Variants in HCN1 observed in about 807,000 individuals in gnomAD.
HCN1 encodes potassium/sodium hyperpolarization-activated cyclic nucleotide-gated channel 1.
HCN1 carries 13 observed loss-of-function variants against 78.9 expected under a neutral mutation model. The ratio of observed to expected loss-of-function variants is 0.16; its 90% CI spans 0.11 to 0.26. The LOEUF is 0.26. Among genes scored for constraint, HCN1 ranks in the 10% least tolerant of loss-of-function variants. The pLI is 1.00. For missense variants in HCN1, 810 were observed against 1,154.3 expected (o/e 0.70, Z 4.32); for synonymous variants, 552 against 455.5 (o/e 1.21, Z -2.70).
chr5:45,648,264 GA>G (rs1181061794), intron 1 of HCN1, among the ~76,000 whole-genome samples: 1 of 151,902 alleles, frequency 6.6e-6, no homozygotes, highest in Non-Finnish European at 1.5e-5. Flanking sequence ...AGCTTTTTTT[GA>G]AGGAAAACTA....
intron 2 of HCN1, among the ~76,000 whole-genome samples, chr5:45,624,843 T>A (rs902472055): frequency 2.0e-5 from 3 of 151,866 alleles, no homozygotes; most frequent in African/African-American, 7.3e-5. Context: ...GTACCTTAGG[T>A]CAACTGTGGT....
chr5:45,616,069 T>C (rs1467514074), intron 2 of HCN1, among the ~76,000 whole-genome samples: 2 of 151,106 alleles, frequency 1.3e-5, no homozygotes, highest in Non-Finnish European at 3.0e-5. Flanking sequence ...ACAATGTTTT[T>C]CTTGAAAAAA....
At chr5:45,603,536 G>A (rs1744667094) in intron 2 of HCN1, among the ~76,000 whole-genome samples, 1 of 151,946 alleles carries the variant, frequency 6.6e-6, no homozygotes, top group Admixed American at 6.6e-5. Flanking sequence ...TTTATTTTAT[G>A]CTCTTTCTAC....
At chr5:45,478,984 G>A (rs143466638) in intron 2 of HCN1, among the ~76,000 whole-genome samples, 275 of 152,164 alleles carry the variant, frequency 1.8e-3, no homozygotes, top group African/African-American at 6.4e-3. Flanking sequence ...AGCTGGGCAA[G>A]GTGGCACGTT....
intron 4 of HCN1, among the ~76,000 whole-genome samples, chr5:45,353,768 C>T (rs987326805): frequency 1.3e-5 from 2 of 151,764 alleles, no homozygotes; most frequent in African/African-American, 2.4e-5. Context: ...ACACAGATGC[C>T]CTGTAAATTA....
At chr5:45,474,091 C>T (rs1354152132) in intron 2 of HCN1, among the ~76,000 whole-genome samples, 2 of 151,830 alleles carry the variant, frequency 1.3e-5, no homozygotes, top group Admixed American at 1.3e-4. Context: ...TTCCACCCTA[C>T]ACATTTTAGT....
At chr5:45,413,965 T>A (rs146734286) in intron 3 of HCN1, among the ~76,000 whole-genome samples, 2 of 152,014 alleles carry the variant, frequency 1.3e-5, no homozygotes, top group African/African-American at 4.8e-5. Context: ...GATTCACATA[T>A]TTTGAAGCTC....
intron 2 of HCN1, among the ~76,000 whole-genome samples, chr5:45,494,631 T>C (rs1263941101): frequency 6.6e-6 from 1 of 152,092 alleles, no homozygotes; most frequent in Non-Finnish European, 1.5e-5. Flanking sequence ...AATTTTGGTT[T>C]TGTTGCCATT....
At position 45,547,868 on chromosome 5, in the gene HCN1, G is replaced by A. The variant is rs182691133; in HGVS notation, c.850-85861C>T. 2.6e-4 allele frequency among the ~76,000 whole-genome samples: 39 copies of A among 151,870 alleles called. No individual in the cohort carries two copies. In the South Asian group the frequency reaches 5.6e-3, roughly 22 times the overall value. ...TTCAGACTGATATTAATCCTTTTACGCAGAGATTATATTGATATGTTAATC... is the reference window on the plus strand; with the variant it reads ...TTCAGACTGATATTAATCCTTTTACACAGAGATTATATTGATATGTTAATC... On this transcript the variant is annotated intron_variant, in intron 2 of 7. Coordinates refer to ENST00000303230, the MANE Select transcript of HCN1 (RefSeq NM_021072.4).
intron 2 of HCN1, among the ~76,000 whole-genome samples, chr5:45,465,616 G>A (rs538340859): frequency 2.2e-4 from 34 of 152,084 alleles, no homozygotes; most frequent in African/African-American, 7.0e-4. Context: ...TTACCCGGGC[G>A]TGGCGGTGGG....
intron 4 of HCN1, among the ~76,000 whole-genome samples, chr5:45,364,036 C>T (rs1022593373): frequency 6.6e-6 from 1 of 152,026 alleles, no homozygotes; most frequent in African/African-American, 2.4e-5. Context: ...CTAGGAGATT[C>T]CAAACTAAGA....
intron 2 of HCN1, among the ~76,000 whole-genome samples, chr5:45,628,345 C>T (rs1294523606): frequency 6.6e-6 from 1 of 152,104 alleles, no homozygotes; most frequent in African/African-American, 2.4e-5. Flanking sequence ...ACTGAGAATA[C>T]TCATTACTAT....
chr5:45,351,156 T>C (rs1161629083), intron 5 of HCN1, among the ~76,000 whole-genome samples: 7 of 152,094 alleles, frequency 4.6e-5, no homozygotes, highest in Non-Finnish European at 1.0e-4. Context: ...CAAAACAGCA[T>C]GGTACTGATA....
At chr5:45,350,176 G>A (rs1331034428) in intron 5 of HCN1, among the ~76,000 whole-genome samples, 11 of 151,978 alleles carry the variant, frequency 7.2e-5, no homozygotes, top group Admixed American at 2.0e-4. Flanking sequence ...GTTATCCACC[G>A]CGATCAAGTG....
chr5:45,331,192 T>G (rs1746337217), intron 5 of HCN1, among the ~76,000 whole-genome samples: 1 of 151,186 alleles, frequency 6.6e-6, no homozygotes, highest in African/African-American at 2.4e-5. Context: ...GATGACAACA[T>G]TTAAATATAT....
At chr5:45,623,560 T>A (rs559899706) in intron 2 of HCN1, among the ~76,000 whole-genome samples, 1 of 152,356 alleles carries the variant, frequency 6.6e-6, no homozygotes, top group East Asian at 1.9e-4. Flanking sequence ...AAAAAGGCAG[T>A]TCTTCTTTCA....
At chr5:45,511,542 A>G (rs1742415459) in intron 2 of HCN1, among the ~76,000 whole-genome samples, 1 of 152,078 alleles carries the variant, frequency 6.6e-6, no homozygotes, top group South Asian at 2.1e-4. Context: ...AGAATGGTAT[A>G]TTACTTCTGT....
chr5:45,314,456 A>T (rs1745932859), intron 5 of HCN1, among the ~76,000 whole-genome samples: 1 of 152,186 alleles, frequency 6.6e-6, no homozygotes, highest in South Asian at 2.1e-4. Flanking sequence ...TGCATCAACT[A>T]ATGAGCAAAA....
intron 2 of HCN1, among the ~76,000 whole-genome samples, chr5:45,585,069 T>C (rs1744181806): frequency 6.6e-6 from 1 of 152,216 alleles, no homozygotes; most frequent in South Asian, 2.1e-4. Flanking sequence ...AATTTGAATG[T>C]TGGCCTGCCT....
Sources: gnomAD v4.1 joint callset for allele counts (sites outside exome capture counted in the v4.1 genomes callset) on GRCh38, gnomAD v4.1.1 for gene constraint, MANE v1.5 for transcripts, NCBI Gene and HGNC (gene_info 2026-07-23, HGNC 2026-07-21) for gene names.